Variants in FBXO3 observed in about 807,000 individuals in gnomAD.
FBXO3 encodes F-box only protein 3.
A neutral mutation model predicts 64.8 loss-of-function variants in FBXO3; 17 were observed. The ratio of observed to expected loss-of-function variants is 0.26; its 90% confidence interval spans 0.18 to 0.39. The LOEUF is 0.39. Ranked by LOEUF, FBXO3 falls within the 10% of genes least tolerant of loss-of-function variation. The probability of loss-of-function intolerance (pLI) is 1.00; values close to 1 mark genes in which losing one functional copy is unlikely to be tolerated. For synonymous variants in FBXO3, 182 were observed against 201.6 expected (o/e 0.90, Z 0.82); for missense variants, 420 against 589.9 (o/e 0.71, Z 2.98).
chr11:33,754,611 G>C, intron 5 of FBXO3, 111 bp from the exon 6 acceptor site: 1 of 840,024 alleles, frequency 1.2e-6, no homozygotes, highest in East Asian at 2.7e-5. Flanking sequence ...AAATAAAGTT[G>C]AGATAAGAAG....
At chr11:33,750,942 A>C (rs1482579359) in intron 7 of FBXO3, among the ~76,000 whole-genome samples, 3 of 152,216 alleles carry the variant, frequency 2.0e-5, no homozygotes, top group African/African-American at 7.2e-5. Context: ...GAGCTTATTC[A>C]GTTTCCAGGG....
chr11:33,765,705 G>C (rs183462381), intron 3 of FBXO3, among the ~76,000 whole-genome samples: 1 of 152,186 alleles, frequency 6.6e-6, no homozygotes, highest in East Asian at 1.9e-4. Flanking sequence ...TCATGGGGTG[G>C]ATTTTTTCTC....
chr11:33,765,416 C>A (rs150205255), intron 3 of FBXO3, among the ~76,000 whole-genome samples: 1 of 152,114 alleles, frequency 6.6e-6, no homozygotes, highest in East Asian at 1.9e-4. Context: ...ATGTTAGACA[C>A]TTAACATGTA....
At chr11:33,756,355 A>G (rs1197155340) in intron 4 of FBXO3, among the ~76,000 whole-genome samples, 1 of 152,204 alleles carries the variant, frequency 6.6e-6, no homozygotes. Context: ...TCTTGATACA[A>G]CCTTTAGCTT....
chr11:33,756,924 G>A, intron 4 of FBXO3: 1 of 487,700 alleles, frequency 2.1e-6, no homozygotes, highest in Non-Finnish European at 4.0e-6. Flanking sequence ...AGACAGGCAG[G>A]ATCTTGCTAT....
chr11:33,749,245 T>G (rs1366017334), intron 8 of FBXO3, among the ~76,000 whole-genome samples: 1 of 152,196 alleles, frequency 6.6e-6, no homozygotes, highest in African/African-American at 2.4e-5. Context: ...CATGAAAAAC[T>G]TCCGGAGAAC....
intron 3 of FBXO3, among the ~76,000 whole-genome samples, chr11:33,766,191 T>C (rs768759824): frequency 7.2e-5 from 11 of 152,302 alleles, no homozygotes; most frequent in Non-Finnish European, 1.5e-4. Context: ...AACCTACTCA[T>C]AGAAGGAAAC....
At chr11:33,762,179 A>G (rs1855259229) in intron 3 of FBXO3, among the ~76,000 whole-genome samples, 1 of 152,188 alleles carries the variant, frequency 6.6e-6, no homozygotes, top group African/African-American at 2.4e-5. Context: ...CTATCTCAGA[A>G]TTCTGCCTAC....
intron 3 of FBXO3, among the ~76,000 whole-genome samples, chr11:33,763,818 A>C (rs1564993225): frequency 6.6e-6 from 1 of 152,216 alleles, no homozygotes; most frequent in Non-Finnish European, 1.5e-5. Flanking sequence ...AAGGCTTGGA[A>C]AGATAGAAAT....
At chr11:33,755,379 A>T (rs536426751) in intron 5 of FBXO3, among the ~76,000 whole-genome samples, 33 of 152,356 alleles carry the variant, frequency 2.2e-4, no homozygotes, top group African/African-American at 7.2e-4. Context: ...TTTTCGATAC[A>T]TCAAATACCC....
chr11:33,749,563 TA>T (rs1854902351), intron 8 of FBXO3, among the ~76,000 whole-genome samples: 1 of 152,096 alleles, frequency 6.6e-6, no homozygotes, highest in Non-Finnish European at 1.5e-5. Flanking sequence ...AAGGTCTCAC[TA>T]TGTTGTCCAG....
rs146257723 is a variant in FBXO3 at position 33,747,163 on chromosome 11, T to C, written c.1206A>G (p.Ala402=). 166 of 1,609,338 alleles carry C rather than the reference T, an allele frequency of 1.0e-4. No individual in the cohort carries two copies. The highest frequency in any genetic ancestry group is 1.4e-4 in the Non-Finnish European group (161 of 1,178,974). ...FNVAIPRFHM[A]CPTFRVSIAR... is the part of the protein sequence containing the mutation. ...CTATAGACACCCTGAATGTTGGACA[T>C]GCCATATGGAATCGGGGAATGGCAA... Residue 402 remains alanine, a synonymous_variant, in exon 10 of 11, where the codon GCA becomes GCG. Transcript: ENST00000265651.
At chr11:33,748,280 T>C (rs1411680270) in intron 9 of FBXO3, among the ~76,000 whole-genome samples, 1 of 152,214 alleles carries the variant, frequency 6.6e-6, no homozygotes, top group African/African-American at 2.4e-5. Flanking sequence ...ATTCTGTATA[T>C]GCTTAGAACT....
chr11:33,746,821 G>A, intron 10 of FBXO3: 8 of 1,411,664 alleles, frequency 5.7e-6, no homozygotes, highest in Non-Finnish European at 7.3e-6. Context: ...ACTGTAAGAA[G>A]TTGTTTTCCC....
chr11:33,744,564 A>C (rs1854767577), intron 10 of FBXO3: 1 of 152,230 alleles, frequency 6.6e-6, no homozygotes, highest in African/African-American at 2.4e-5. Flanking sequence ...GAAAACTAAT[A>C]TACAAACAGG....
chr11:33,758,437 TA>T, intron 4 of FBXO3, 49 bp downstream of exon 4: 1 of 1,360,316 alleles, frequency 7.4e-7, no homozygotes, highest in South Asian at 1.3e-5. Flanking sequence ...ACTTTCATTC[TA>T]AAAAATAACT....
intron 10 of FBXO3, 51 bp downstream of exon 10, chr11:33,747,079 G>A (rs1854831037): frequency 6.2e-7 from 1 of 1,602,022 alleles, no homozygotes; most frequent in South Asian, 1.1e-5. Flanking sequence ...TATCTGCAGT[G>A]TTAACCCTAC....
intron 4 of FBXO3, among the ~76,000 whole-genome samples, chr11:33,756,677 T>C (rs988088993): frequency 6.6e-6 from 1 of 152,188 alleles, no homozygotes; most frequent in East Asian, 1.9e-4. Context: ...TAGGAAAAAA[T>C]AGCCAATAAT....
intron 6 of FBXO3, chr11:33,753,550 AACCAGAGACC>A (rs1855016234): frequency 6.6e-6 from 1 of 152,252 alleles, no homozygotes; most frequent in African/African-American, 2.4e-5. Context: ...TTAACTTAGA[AACCAGAGACC>A]ACATGAGTCA....
Sources: gnomAD v4.1 joint callset for allele counts (sites outside exome capture counted in the v4.1 genomes callset) on GRCh38, gnomAD v4.1.1 for gene constraint, MANE v1.5 for transcripts, NCBI Gene and HGNC (gene_info 2026-07-23, HGNC 2026-07-21) for gene names.